The following CDK14 variants were observed in gnomAD, a reference collection of about 807,000 sequenced individuals.
The protein encoded by CDK14 is cyclin-dependent kinase 14.
CDK14 carries 34 observed loss-of-function variants against 60.7 expected under a neutral mutation model. The observed-to-expected ratio is 0.56, with a 90% CI of 0.43 to 0.75. The LOEUF (loss-of-function observed/expected upper bound fraction) is 0.75. Ranked by LOEUF, CDK14 falls within the 30% of genes least tolerant of loss-of-function variation. CDK14 has a pLI of 0.00. For synonymous variants in CDK14, 197 were observed against 203.7 expected, an observed-to-expected ratio of 0.97 and a Z score of 0.28; for missense variants, 482 against 564.1, an observed-to-expected ratio of 0.85 and a Z score of 1.47.
chr7:90,653,044 G>A (rs987360979), intron 2 of CDK14, among the ~76,000 whole-genome samples: 6 of 152,130 alleles, frequency 3.9e-5, no homozygotes, highest in African/African-American at 1.4e-4. Context: ...TTGCCCTTTG[G>A]TTCTAGCCAG....
At chr7:90,597,700 A>T (rs1035528833) in intron 1 of CDK14, among the ~76,000 whole-genome samples, 3 of 152,254 alleles carry the variant, frequency 2.0e-5, no homozygotes, top group Non-Finnish European at 4.4e-5. Flanking sequence ...GAAATTAAAC[A>T]TAAAGGTACT....
At chr7:91,107,708 C>T (rs933858567) in intron 12 of CDK14, 4 of 152,210 alleles carry the variant, frequency 2.6e-5, no homozygotes, top group Admixed American at 2.0e-4. Flanking sequence ...TAGAAGCAAG[C>T]AGTTTTTCTC....
intron 10 of CDK14, among the ~76,000 whole-genome samples, chr7:91,013,916 A>G (rs1234180459): frequency 6.6e-6 from 1 of 152,068 alleles, no homozygotes; most frequent in East Asian, 1.9e-4. Context: ...TATTAAAAAT[A>G]GGGAAATTGA....
intron 2 of CDK14, among the ~76,000 whole-genome samples, chr7:90,722,559 G>T (rs1802496240): frequency 6.6e-6 from 1 of 152,096 alleles, no homozygotes; most frequent in Non-Finnish European, 1.5e-5. Flanking sequence ...AGCAAAAATG[G>T]TAAACGTGAA....
chr7:90,816,314 T>C (rs1400142955), intron 5 of CDK14, among the ~76,000 whole-genome samples: 3 of 152,210 alleles, frequency 2.0e-5, no homozygotes, highest in Admixed American at 1.3e-4. Flanking sequence ...GAGAATTAAA[T>C]ATCTTGCTAG....
intron 14 of CDK14, among the ~76,000 whole-genome samples, chr7:91,124,033 C>T (rs139671084): frequency 1.0e-3 from 159 of 152,030 alleles, no homozygotes; most frequent in African/African-American, 3.4e-3. Flanking sequence ...ACTACAGGTG[C>T]GCACCACCAC....
At chr7:90,667,569 T>A (rs865959669) in intron 2 of CDK14, among the ~76,000 whole-genome samples, 1 of 151,708 alleles carries the variant, frequency 6.6e-6, no homozygotes, top group Non-Finnish European at 1.5e-5. Context: ...GTAGCATGTA[T>A]CCGTACTTTT....
intron 14 of CDK14, among the ~76,000 whole-genome samples, chr7:91,130,248 G>A (rs1800076208): frequency 1.3e-5 from 2 of 152,068 alleles, no homozygotes; most frequent in African/African-American, 4.8e-5. Flanking sequence ...GAAAAGATTT[G>A]CACAACTATA....
intron 9 of CDK14, 148 bp downstream of exon 9, chr7:90,955,965 A>G (rs1794397379): frequency 8.8e-6 from 8 of 906,512 alleles, no homozygotes; most frequent in East Asian, 2.5e-5. Flanking sequence ...GTTTTAAAAC[A>G]TGATTGGGAA....
At chr7:90,755,335 C>A (rs1207296447) in intron 4 of CDK14, among the ~76,000 whole-genome samples, 1 of 152,092 alleles carries the variant, frequency 6.6e-6, no homozygotes, top group African/African-American at 2.4e-5. Flanking sequence ...CAGCTGGAGG[C>A]CATTATCCTA....
chr7:90,671,912 TG>T (rs1481420851), intron 2 of CDK14, among the ~76,000 whole-genome samples: 2 of 152,236 alleles, frequency 1.3e-5, no homozygotes, highest in Non-Finnish European at 2.9e-5. Flanking sequence ...TAAGCCCAGT[TG>T]CAAATTATTC....
chr7:91,015,407 A>G lies in CDK14; in HGVS notation c.1042-30490A>G, dbSNP rs527401394. ...AGATCAAACAGATTGTACTTACCCT[A>G]TATGCCATCTGCTCCCAGAATTGCT... On this transcript the variant is annotated intron_variant, in intron 10 of 14. Transcript: ENST00000380050. 2.6e-5 allele frequency among the ~76,000 whole-genome samples: 4 copies of G among 151,782 alleles called. No homozygotes were observed. In the East Asian group the frequency reaches 5.8e-4, roughly 22 times the overall value.
At chr7:90,879,947 C>A (rs1242650342) in intron 6 of CDK14, among the ~76,000 whole-genome samples, 2 of 152,146 alleles carry the variant, frequency 1.3e-5, no homozygotes, top group Non-Finnish European at 2.9e-5. Context: ...GCTTTTTCCA[C>A]AGAACTGTGC....
chr7:90,922,129 T>C (rs115672115), intron 8 of CDK14, among the ~76,000 whole-genome samples: 12 of 152,344 alleles, frequency 7.9e-5, no homozygotes, highest in African/African-American at 2.6e-4. Flanking sequence ...TTAAATCATT[T>C]ATGCACAAAA....
At chr7:90,663,221 C>T (rs1446625738) in intron 2 of CDK14, among the ~76,000 whole-genome samples, 1 of 152,156 alleles carries the variant, frequency 6.6e-6, no homozygotes, top group Non-Finnish European at 1.5e-5. Context: ...TTACACTTCA[C>T]TTCATGTGTA....
intron 2 of CDK14, among the ~76,000 whole-genome samples, chr7:90,610,069 T>C (rs1799506883): frequency 6.6e-6 from 1 of 152,216 alleles, no homozygotes; most frequent in African/African-American, 2.4e-5. Context: ...GTATTCCCTG[T>C]ATCTTTTCTT....
intron 12 of CDK14, among the ~76,000 whole-genome samples, chr7:91,109,926 A>G (rs528369648): frequency 6.6e-6 from 1 of 152,246 alleles, no homozygotes; most frequent in Non-Finnish European, 1.5e-5. Context: ...CTAGACTGCT[A>G]TGCATTTAAT....
intron 12 of CDK14, among the ~76,000 whole-genome samples, chr7:91,106,307 T>C (rs1799293794): frequency 6.6e-6 from 1 of 152,174 alleles, no homozygotes; most frequent in Non-Finnish European, 1.5e-5. Flanking sequence ...GGAAAATGCC[T>C]TGAGCCTGCA....
intron 10 of CDK14, among the ~76,000 whole-genome samples, chr7:90,984,585 C>T (rs748131268): frequency 1.3e-5 from 2 of 152,156 alleles, no homozygotes; most frequent in Non-Finnish European, 2.9e-5. Context: ...CTCCCCCGTC[C>T]CCCTTGACTG....
Sources: gnomAD v4.1 joint callset for allele counts (sites outside exome capture counted in the v4.1 genomes callset) on GRCh38, gnomAD v4.1.1 for gene constraint, MANE v1.5 for transcripts, NCBI Gene and HGNC (gene_info 2026-07-23, HGNC 2026-07-21) for gene names.